The following MAPKAP1 variants were observed in gnomAD, a reference collection of about 807,000 sequenced individuals.
The protein encoded by MAPKAP1 is MAPK associated protein 1, also known as target of rapamycin complex 2 subunit MAPKAP1.
A neutral mutation model predicts 65.7 loss-of-function variants in MAPKAP1; 20 were observed. The ratio of observed to expected loss-of-function variants is 0.30; its 90% CI spans 0.21 to 0.44. The LOEUF (loss-of-function observed/expected upper bound fraction) is 0.44, where lower values mean the gene tolerates loss of function less well. MAPKAP1 is among the 20% of genes least tolerant of loss of function. The pLI, the probability that MAPKAP1 is intolerant of heterozygous loss-of-function variation, is 1.00. For missense variants in MAPKAP1, 423 were observed against 648.0 expected, an observed-to-expected ratio of 0.65 and a Z score of 3.77; for synonymous variants, 222 against 244.3, an observed-to-expected ratio of 0.91 and a Z score of 0.85.
In MAPKAP1 at chr9:125,595,818, C is replaced by G. The variant is rs1180385575; in HGVS notation, c.499-10091G>C. 1 of 1,132,944 alleles carries G rather than the reference C, an allele frequency of 8.8e-7. No homozygotes were observed. Among genetic ancestry groups the G allele is most frequent in the African/African-American group, 1.5e-5 (1 of 65,770 alleles). The allele number at this position is 1,132,944 out of a possible 1,614,324, so 70.2% of individuals were successfully genotyped here. ...TGTGTGGTAATGAAAGATTCCAACA[C>G]CAAGCGTTCCGGGGGTTTTGGGTTT... On this transcript the variant is annotated intron_variant, in intron 4 of 11. Transcript: ENST00000265960. The surrounding 1 kb of genome is among the most constrained non-coding windows in gnomAD (Gnocchi z 4.0).
intron 5 of MAPKAP1, chr9:125,572,772 T>C (rs181940330): frequency 5.2e-4 from 79 of 152,346 alleles, no homozygotes; most frequent in African/African-American, 1.9e-3. Context: ...TTAGTTTACT[T>C]GGAATAACTT....
intron 5 of MAPKAP1, among the ~76,000 whole-genome samples, chr9:125,581,571 C>T (rs1041670314): frequency 5.4e-4 from 82 of 152,266 alleles, no homozygotes; most frequent in African/African-American, 1.9e-3. Context: ...AGTTCTTTAC[C>T]TATTCTATAT....
chr9:125,479,026 T>C (rs1854208642), intron 9 of MAPKAP1, among the ~76,000 whole-genome samples: 1 of 152,212 alleles, frequency 6.6e-6, no homozygotes, highest in Non-Finnish European at 1.5e-5. Flanking sequence ...TGGATTCTTA[T>C]TCCGGCTTGA....
rs1240784591 is a variant in MAPKAP1, at chr9:125,438,129, C to T, written c.*758G>A. 1.6e-5 allele frequency: 6 copies of T among 381,884 alleles called. No individual in the cohort carries two copies. The highest frequency in any genetic ancestry group is 4.1e-5 in the African/African-American group (2 of 48,238). 23.7% of individuals were successfully genotyped at this position (381,884 alleles called of 1,614,324 possible). On this transcript the variant is annotated 3_prime_UTR_variant, in exon 12 of 12. Transcript: ENST00000265960. ...CATGTCTGGCTGGGAGTGCAGCGTG[C>T]CTGAGGACCAGCCACCGCCCCTCCT...
At chr9:125,506,272 A>G (rs370027553) in intron 8 of MAPKAP1, 38 bp downstream of exon 8, 144 of 1,554,778 alleles carry the variant, frequency 9.3e-5, no homozygotes, top group Admixed American at 2.3e-4. Flanking sequence ...CAAGTTTGCA[A>G]CGGACAAAGC....
intron 5 of MAPKAP1, among the ~76,000 whole-genome samples, chr9:125,576,957 G>A (rs1385805647): frequency 1.3e-5 from 2 of 151,946 alleles, no homozygotes; most frequent in African/African-American, 4.8e-5. Context: ...TGGGAAGTGA[G>A]GAGCGTCTCT....
intron 1 of MAPKAP1, among the ~76,000 whole-genome samples, chr9:125,693,844 CAT>C (rs140049996): frequency 0.011 from 1,440 of 133,340 alleles, 43 homozygotes; most frequent in Non-Finnish European, 0.014. Flanking sequence ...TATATACACA[CAT>C]ACACACACAC....
rs867414808 is a variant in MAPKAP1, at chr9:125,577,545, C to T, written c.671+8010G>A. 3.2e-3 allele frequency among the ~76,000 whole-genome samples: 443 copies of T among 138,808 alleles called. 2 individuals carry two copies. The highest frequency in any genetic ancestry group is 0.011 in the African/African-American group (412 of 37,622). 91.1% of individuals were successfully genotyped at this position (138,808 alleles called of 152,430 possible). A position where few individuals can be genotyped will look rare whatever the true frequency, so the allele number is the denominator to read the frequency against. On this transcript the variant is annotated intron_variant, in intron 5 of 11. Transcript: ENST00000265960. ...GGAGCCCCTCTGCCTGGCCGGCCGCCCCGTCCAGGAGGGAGGTGGGGGGGT... is the reference window on the plus strand; with the variant it reads ...GGAGCCCCTCTGCCTGGCCGGCCGCTCCGTCCAGGAGGGAGGTGGGGGGGT...
chr9:125,705,605 G>A (rs1171893787), intron 1 of MAPKAP1, among the ~76,000 whole-genome samples: 2 of 152,094 alleles, frequency 1.3e-5, no homozygotes, highest in Admixed American at 1.3e-4. Flanking sequence ...GCCTAGCATG[G>A]TACCTGGCAT....
intron 1 of MAPKAP1, among the ~76,000 whole-genome samples, chr9:125,680,706 G>A (rs1265272374): frequency 1.3e-5 from 2 of 152,046 alleles, no homozygotes; most frequent in Admixed American, 6.5e-5. Flanking sequence ...AATCATCTCA[G>A]CACTAAATGA....
intron 3 of MAPKAP1, among the ~76,000 whole-genome samples, chr9:125,662,586 G>C (rs1470551717): frequency 6.6e-6 from 1 of 152,162 alleles, no homozygotes; most frequent in Non-Finnish European, 1.5e-5. Flanking sequence ...GGGAGGCTGA[G>C]GCAGGTGAAT....
intron 3 of MAPKAP1, among the ~76,000 whole-genome samples, chr9:125,662,218 C>CA (rs1415534846): frequency 3.3e-5 from 5 of 151,918 alleles, no homozygotes; most frequent in East Asian, 1.9e-4. Flanking sequence ...CCCATCTCTA[C>CA]AAAAAATGCA....
intron 7 of MAPKAP1, among the ~76,000 whole-genome samples, chr9:125,527,329 G>C (rs576822193): frequency 4.6e-5 from 7 of 152,192 alleles, no homozygotes; most frequent in African/African-American, 1.7e-4. Context: ...GCCTCCCAAA[G>C]TGCTGGGATT....
chr9:125,495,398 T>C lies in MAPKAP1; in HGVS notation c.1067-10815A>G, dbSNP rs1175225224. Reference sequence around the variant, plus strand: ...GGATGCAAATCTCCATGCCCTCACTTAGAGCCCAGACAGGGTTTGTGGCTC... The same window carrying C: ...GGATGCAAATCTCCATGCCCTCACTCAGAGCCCAGACAGGGTTTGTGGCTC... On this transcript the variant is annotated intron_variant, in intron 8 of 11. Coordinates refer to ENST00000265960, the MANE Select transcript of MAPKAP1 (RefSeq NM_001006617.3). 3.9e-5 allele frequency among the ~76,000 whole-genome samples: 6 copies of C among 152,186 alleles called. No individual in the cohort carries two copies. The South Asian group carries it at 1.2e-3, about 32-fold the overall frequency.
chr9:125,473,376 C>A (rs1002703866), intron 9 of MAPKAP1, among the ~76,000 whole-genome samples: 2 of 152,148 alleles, frequency 1.3e-5, no homozygotes, highest in Non-Finnish European at 2.9e-5. Context: ...TCCGTCATGA[C>A]CTTTTCATGC....
At chr9:125,571,727 G>A (rs1377449708) in intron 5 of MAPKAP1, among the ~76,000 whole-genome samples, 3 of 152,062 alleles carry the variant, frequency 2.0e-5, no homozygotes, top group Non-Finnish European at 4.4e-5. Flanking sequence ...GCCAGGTATG[G>A]TGGTACATGC....
chr9:125,580,356 G>A (rs374821989), intron 5 of MAPKAP1, among the ~76,000 whole-genome samples: 90 of 152,194 alleles, frequency 5.9e-4, no homozygotes, highest in Middle Eastern at 6.8e-3. Flanking sequence ...CTATGCAGCC[G>A]TAAAAAAGGA....
intron 5 of MAPKAP1, chr9:125,565,715 C>T: frequency 3.0e-6 from 1 of 336,564 alleles, no homozygotes; most frequent in Non-Finnish European, 5.8e-6. Flanking sequence ...AGTTAGATAA[C>T]TTCCTGATCC....
At chr9:125,578,065 C>T (rs570061398) in intron 5 of MAPKAP1, among the ~76,000 whole-genome samples, 120 of 151,966 alleles carry the variant, frequency 7.9e-4, no homozygotes, top group Admixed American at 2.2e-3. Flanking sequence ...ACACGGGAGA[C>T]TTTTCATTTT....
Sources: gnomAD v4.1 joint callset for allele counts (sites outside exome capture counted in the v4.1 genomes callset) on GRCh38, gnomAD v4.1.1 for gene constraint, Gnocchi (gnomAD v3.1) non-coding constraint, MANE v1.5 for transcripts, NCBI Gene and HGNC (gene_info 2026-07-23, HGNC 2026-07-21) for gene names.